The following C1orf35 variants were observed in gnomAD, a reference collection of about 807,000 sequenced individuals.
C1orf35 encodes chromosome 1 open reading frame 35.
A neutral mutation model predicts 30.9 loss-of-function variants in C1orf35; 36 were observed. That is an observed-to-expected ratio of 1.16 (90% CI 0.89 to 1.54). C1orf35 has a LOEUF of 1.54. C1orf35 is among the 40% of genes most tolerant of loss of function. The probability of loss-of-function intolerance (pLI) is 0.00; values close to 1 mark genes in which losing one functional copy is unlikely to be tolerated. For missense variants in C1orf35, 396 were observed against 358.7 expected, an observed-to-expected ratio of 1.10 and a Z score of -0.84; for synonymous variants, 179 against 148.2, an observed-to-expected ratio of 1.21 and a Z score of -1.51.
chr1:228,102,927 C>T lies in C1orf35; in HGVS notation c.217G>A (p.Ala73Thr). 5 of 1,501,078 alleles carry T rather than the reference C, an allele frequency of 3.3e-6. No homozygotes were observed. Among genetic ancestry groups the T allele is most frequent in the Non-Finnish European group, 4.4e-6 (5 of 1,131,374 alleles). 93.0% of individuals were successfully genotyped at this position (1,501,078 alleles called of 1,614,324 possible). A position where few individuals can be genotyped will look rare whatever the true frequency, so the allele number is the denominator to read the frequency against. ...REEELAAVRE[A>T]EREALLAALG... ...GCGGCCAGCAGCGCCTCGCGCTCCG[C>T]CTCCCGCACGGCTGCCAGTTCCTCC... The change falls in exon 2 of 8, where the codon GCG becomes ACG. Residue 73 changes from alanine to threonine, a missense_variant. Ala to Thr is a moderately conservative substitution (Grantham distance 58). Coordinates refer to ENST00000272139, the MANE Select transcript of C1orf35 (RefSeq NM_024319.4).
intron 2 of C1orf35, 43 bp from the exon 3 acceptor site, chr1:228,102,731 TCCCACCACAGGTC>T (rs1558091364): frequency 6.3e-7 from 1 of 1,584,732 alleles, no homozygotes; most frequent in Admixed American, 1.8e-5. Flanking sequence ...ACGGACCTCC[TCCCACCACAGGTC>T]CTCACCACTC....
rs1436897125 is a variant in C1orf35 at position 228,102,166 on chromosome 1, C to A, written c.448-1G>T. ...GCCCGCCGCTCTCTACGCGGTGATG[C>A]TGCGGGAGAAGCGAGCTCTGCGGAG... On this transcript the variant is annotated splice_acceptor_variant, in intron 5 of 7. Coordinates refer to ENST00000272139, the MANE Select transcript of C1orf35 (RefSeq NM_024319.4). LOFTEE classifies it high-confidence loss of function. 6.3e-7 allele frequency: 1 copy of A among 1,581,036 alleles called. No homozygotes were observed. The highest frequency in any genetic ancestry group is 8.5e-7 in the Non-Finnish European group (1 of 1,170,554).
Position 228,101,062 on chromosome 1 carries a change from G to T in C1orf35, c.*69C>A. 6.3e-7 allele frequency: 1 copy of T among 1,594,260 alleles called. No individual in the cohort carries two copies. Among genetic ancestry groups the T allele is most frequent in the Non-Finnish European group, 8.5e-7 (1 of 1,175,040 alleles). ...CTTCACCCACACCCAAGGAGCTTCCGAGGCAGGAGGCAAGCAAGGTGAAGG... is the reference window on the plus strand; with the variant it reads ...CTTCACCCACACCCAAGGAGCTTCCTAGGCAGGAGGCAAGCAAGGTGAAGG... On this transcript the variant is annotated 3_prime_UTR_variant, in exon 8 of 8. Transcript: ENST00000272139.
At chr1:228,101,498 C>CTTGTA (rs775289894) in intron 6 of C1orf35, 25 bp from the exon 7 acceptor site, 1 of 1,609,004 alleles carries the variant, frequency 6.2e-7, no homozygotes, top group Non-Finnish European at 8.5e-7. Context: ...CAAGGTGTGC[C>CTTGTA]TCAGACCCTA....
Position 228,102,471 on chromosome 1 carries a change from C to G in C1orf35, c.374+7G>C, listed in dbSNP as rs550471447. The G allele has an allele frequency of 1.1e-5, 17 of 1,561,232 alleles. No homozygotes were observed. In the East Asian group the frequency reaches 4.1e-4, roughly 37 times the overall value. ...AGTGCTGCCCTCCCCTGGAAACCCG[C>G]CCGCACCTTGCGCTCCCCAGCCCCA... On this transcript the variant is annotated splice_region_variant and intron_variant, in intron 4 of 7. Transcript: ENST00000272139.
At chr1:228,102,033 A>G in intron 6 of C1orf35, 47 bp downstream of exon 6, 1 of 1,479,572 alleles carries the variant, frequency 6.8e-7, no homozygotes, top group Middle Eastern at 2.5e-4. Context: ...GGTCCTCCCG[A>G]GACCCCCCAC....
rs183108280 is a variant in C1orf35 at position 228,101,231 on chromosome 1, G to A, written c.692C>T (p.Ser231Phe). ...PERPRHHHHDSDSNSPCCKRR... is the reference protein window; with the variant it reads ...PERPRHHHHDFDSNSPCCKRR... The stretch of plus-strand genomic sequence containing the variant: ...CTTACAGCAGGGGGAGTTGGAGTCG[G>A]AGTCATGGTGGTGGTGCCTGGGCCT... Residue 231 changes from serine (S) to phenylalanine (F), a missense_variant, in exon 8 of 8, where the codon TCC (serine) becomes TTC (phenylalanine). Ser to Phe is a radical substitution (Grantham distance 155). Transcript: ENST00000272139. 3 of 1,614,050 alleles carry A rather than the reference G, an allele frequency of 1.9e-6. No individual in the cohort carries two copies. The highest frequency in any genetic ancestry group is 2.5e-6 in the Non-Finnish European group (3 of 1,180,042).
intron 5 of C1orf35, 51 bp from the exon 6 acceptor site, chr1:228,102,216 AC>A: frequency 6.4e-7 from 1 of 1,556,204 alleles, no homozygotes; most frequent in Non-Finnish European, 8.6e-7. Flanking sequence ...GCCCCACACC[AC>A]GCCCCGCAGC....
In C1orf35 at chr1:228,101,423, CTCTT is replaced by C; in HGVS notation, c.580_583del (p.Lys194GlyfsTer82). 6.2e-7 allele frequency: 1 copy of C among 1,613,824 alleles called. No individual in the cohort carries two copies. The highest frequency in any genetic ancestry group is 1.1e-5 in the South Asian group (1 of 91,072). ...CTTCTTCTTCTCTTTCTTGTGTTTC[CTCTT>C]TTTCTTTTTCTTCTTCTCCTTCTTG... On this transcript the variant is annotated frameshift_variant, in exon 7 of 8. Transcript: ENST00000272139. LOFTEE classifies it high-confidence loss of function.
At chr1:228,101,999 A>G in intron 6 of C1orf35, 81 bp downstream of exon 6, 1 of 1,435,600 alleles carries the variant, frequency 7.0e-7, no homozygotes, top group Non-Finnish European at 9.1e-7. Flanking sequence ...AGAAGCTGCC[A>G]CCTGCCCGAG....
chr1:228,101,901 C>T, intron 6 of C1orf35, 179 bp downstream of exon 6: 1 of 1,421,136 alleles, frequency 7.0e-7, no homozygotes, highest in Non-Finnish European at 9.2e-7. Flanking sequence ...TCAAGGGTGA[C>T]CCGAGAAACT....
rs759969526 is a variant in C1orf35, at chr1:228,102,401, G to A, written c.375-19C>T. 6.2e-7 allele frequency: 1 copy of A among 1,607,324 alleles called. No individual in the cohort carries two copies. The highest frequency in any genetic ancestry group is 1.7e-5 in the Admixed American group (1 of 59,628). ...GGAGCCACTGCAGGGACATGGCGAT[G>A]AAGACAGTACGGCAGGGGTCCGCCT... On this transcript the variant is annotated intron_variant, in intron 4 of 7. Transcript: ENST00000272139.
At position 228,102,298 on chromosome 1, in the gene C1orf35, G is replaced by A. The variant is rs765476215; in HGVS notation, c.447+12C>T. 6 of 1,610,292 alleles carry A rather than the reference G, an allele frequency of 3.7e-6. No individual in the cohort carries two copies. The highest frequency in any genetic ancestry group is 1.3e-5 in the African/African-American group (1 of 74,946). On this transcript the variant is annotated intron_variant, in intron 5 of 7. Transcript: ENST00000272139. Reference sequence around the variant, plus strand: ...TTAGCCCCTGCTGCGGTCAGGCGGGGCGGGGGATTACCGTGAACACAGACA... The same window carrying A: ...TTAGCCCCTGCTGCGGTCAGGCGGGACGGGGGATTACCGTGAACACAGACA...
intron 6 of C1orf35, 64 bp from the exon 7 acceptor site, chr1:228,101,537 G>A (rs2032946657): frequency 3.8e-6 from 6 of 1,595,338 alleles, no homozygotes; most frequent in Non-Finnish European, 5.1e-6. Context: ...GTGAACACAA[G>A]CAGGCCCCAT....
chr1:228,102,690 T>A lies in C1orf35; in HGVS notation c.246-2A>T, dbSNP rs756738418. ...TGCTTCTTCACGTTCTTGTAGCCAC[T>A]GCGAGAGGGCCGGGGCAGGCGTCAG... On this transcript the variant is annotated splice_acceptor_variant, in intron 2 of 7. Coordinates refer to ENST00000272139, the MANE Select transcript of C1orf35 (RefSeq NM_024319.4). LOFTEE classifies it high-confidence loss of function. The A allele has an allele frequency of 6.2e-7, 1 of 1,606,416 alleles. No homozygotes were observed.
Position 228,100,948 on chromosome 1 carries a change from C to A in C1orf35, c.*183G>T. ...CTGGTATGCGAAACCTGGAGGTTTT[C>A]CAGGAAGCCGGCTGCTCCAGAGCTA... On this transcript the variant is annotated 3_prime_UTR_variant, in exon 8 of 8. Coordinates refer to ENST00000272139, the MANE Select transcript of C1orf35 (RefSeq NM_024319.4). 1 of 913,762 alleles carries A rather than the reference C, an allele frequency of 1.1e-6. No homozygotes were observed. Among genetic ancestry groups the A allele is most frequent in the Non-Finnish European group, 1.6e-6 (1 of 619,532 alleles). The allele number at this position is 913,762 out of a possible 1,614,324, so 56.6% of individuals were successfully genotyped here.
In C1orf35 at chr1:228,102,984, C is replaced by T. The variant is rs1229874578; in HGVS notation, c.160G>A (p.Gly54Ser). The change falls in exon 2 of 8, where the codon GGC becomes AGC. Residue 54 changes from glycine to serine, a missense_variant. Coordinates refer to ENST00000272139, the MANE Select transcript of C1orf35 (RefSeq NM_024319.4). ...KGRDLTWYAK[G>S]RAPCAGPSRE... is the part of the protein sequence containing the mutation. ...CTCGGGCCCGCGCATGGCGCCCGGCCCTTGGCGTACCAGGTGAGGTCGCGG... is the reference window on the plus strand; with the variant it reads ...CTCGGGCCCGCGCATGGCGCCCGGCTCTTGGCGTACCAGGTGAGGTCGCGG... The T allele has an allele frequency of 2.6e-6, 4 of 1,542,036 alleles. No homozygotes were observed. The East Asian group carries it at 9.9e-5, about 38-fold the overall frequency.
chr1:228,102,512 C>A lies in C1orf35; in HGVS notation c.340G>T (p.Gly114Cys). 1 of 1,558,876 alleles carries A rather than the reference C, an allele frequency of 6.4e-7. No individual in the cohort carries two copies. The change falls in exon 4 of 8, where the codon GGC (glycine) becomes TGC (cysteine). Residue 114 changes from glycine (G) to cysteine (C), a missense_variant. Gly to Cys is a radical substitution (Grantham distance 159, BLOSUM62 -3). Transcript: ENST00000272139. ...KREGGDPEEK[G>C]VDRLLGLGSA... The stretch of plus-strand genomic sequence containing the variant: ...CCCAGCCCCAGCAGCCGGTCCACGC[C>A]CTTCTCCTCGGGGTCGCCTCCTTCC...
chr1:228,103,299 A>T lies in C1orf35; in HGVS notation c.-72T>A. ...ACCCGCAACCCGAGACCCGCTACCCACTACCGTCGGACCCAGGCCCGACCC... is the reference window on the plus strand; with the variant it reads ...ACCCGCAACCCGAGACCCGCTACCCTCTACCGTCGGACCCAGGCCCGACCC... On this transcript the variant is annotated 5_prime_UTR_variant, in exon 1 of 8. Transcript: ENST00000272139. 6.5e-7 allele frequency: 1 copy of T among 1,546,436 alleles called. No individual in the cohort carries two copies. Among genetic ancestry groups the T allele is most frequent in the Non-Finnish European group, 8.7e-7 (1 of 1,143,540 alleles).
Sources: allele counts gnomAD v4.1 joint callset, GRCh38; gene constraint gnomAD v4.1.1; transcripts MANE v1.5; gene names NCBI Gene and HGNC (gene_info 2026-07-23, HGNC 2026-07-21).